ZNF484: variants seen among roughly 807,000 people sequenced by gnomAD.
ZNF484 encodes the protein KRAB box containing C2H2 type zinc finger bA526D8.4.
Under a neutral mutation model 12.9 loss-of-function variants are expected in ZNF484, and 11 were observed. The ratio of observed to expected loss-of-function variants is 0.85; its 90% confidence interval spans 0.54 to 1.41. ZNF484 has a LOEUF of 1.41. ZNF484 is among the 40% of genes most tolerant of loss of function. The pLI is 0.00. For missense variants in ZNF484, 807 were observed against 1,007.7 expected (o/e 0.80, Z 2.70); for synonymous variants, 289 against 334.1 (o/e 0.86, Z 1.47).
chr9:92,852,587 A>G (rs995908270), intron 4 of ZNF484, among the ~76,000 whole-genome samples: 2 of 114,140 alleles, frequency 1.8e-5, no homozygotes, highest in Non-Finnish European at 3.3e-5. Context: ...CCCAGGCTGG[A>G]GTACAGTGGC....
At chr9:92,849,747 C>T (rs540558865) in intron 4 of ZNF484, among the ~76,000 whole-genome samples, 76 of 151,704 alleles carry the variant, frequency 5.0e-4, no homozygotes, top group African/African-American at 1.6e-3. Flanking sequence ...GCTCTGATCG[C>T]ACCATTACAC....
At position 92,848,154 on chromosome 9, in the gene ZNF484, G is replaced by C. The variant is rs746295384; in HGVS notation, c.633C>G (p.Phe211Leu). The C allele has an allele frequency of 1.9e-6, 3 of 1,614,122 alleles. No homozygotes were observed. In the South Asian group the frequency reaches 3.3e-5, roughly 18 times the overall value. ...SDKTIGDGDI[F>L]THLNSHTEVT... ...CTTCTGTATGAGAATTCAAATGAGT[G>C]AAAATATCACCATCTCCAATAGTCT... Residue 211 changes from phenylalanine (F) to leucine (L), a missense_variant, in exon 5 of 5, where the codon TTC becomes TTG. Phe to Leu is a conservative substitution (Grantham distance 22, BLOSUM62 0). Transcript: ENST00000375495. The surrounding 1 kb of genome is among the most constrained non-coding windows in gnomAD (Gnocchi z 4.1).
Position 92,847,022 on chromosome 9 carries a change from A to C in ZNF484, c.1765T>G (p.Phe589Val). ...GTAATAAAATGGGATTTGTGGAAGAAGGCCTTACCACATTCAGTGCAAACA... is the reference window on the plus strand; with the variant it reads ...GTAATAAAATGGGATTTGTGGAAGACGGCCTTACCACATTCAGTGCAAACA... ...PYVCTECGKA[F>V]FHKSHFITHE... The change falls in exon 5 of 5, where the codon TTC (phenylalanine) becomes GTC (valine). Residue 589 changes from phenylalanine to valine, a missense_variant. Physicochemically the swap from Phe to Val is conservative, Grantham distance 50. Transcript: ENST00000375495. The C allele has an allele frequency of 6.2e-7, 1 of 1,614,054 alleles. No individual in the cohort carries two copies. Among genetic ancestry groups the C allele is most frequent in the East Asian group, 2.2e-5 (1 of 44,844 alleles).
intron 4 of ZNF484, among the ~76,000 whole-genome samples, chr9:92,851,102 G>T (rs1856048704): frequency 6.6e-6 from 1 of 152,198 alleles, no homozygotes; most frequent in South Asian, 2.1e-4. Context: ...TTGTCACTAG[G>T]TGGCACTGAG....
intron 4 of ZNF484, among the ~76,000 whole-genome samples, chr9:92,853,079 G>A (rs1385048859): frequency 1.3e-5 from 2 of 152,116 alleles, no homozygotes; most frequent in Non-Finnish European, 2.9e-5. Flanking sequence ...GCTATGACAG[G>A]ATAAACACAG....
chr9:92,844,459 A>G lies in ZNF484; in HGVS notation c.*1769T>C, dbSNP rs974041549. Among the ~76,000 whole-genome samples, 5 of 152,206 alleles carry G rather than the reference A, an allele frequency of 3.3e-5. No homozygotes were observed. Among genetic ancestry groups the G allele is most frequent in the African/African-American group, 1.2e-4 (5 of 41,456 alleles). On this transcript the variant is annotated 3_prime_UTR_variant, in exon 5 of 5. Coordinates refer to ENST00000375495, the MANE Select transcript of ZNF484 (RefSeq NM_031486.4). ...CCAAAACCACTAAACCACAGATTTA[A>G]AAAACATTATAAACTCCAAGGAGGA...
chr9:92,864,909 G>A (rs922549462), intron 2 of ZNF484, among the ~76,000 whole-genome samples: 1 of 151,872 alleles, frequency 6.6e-6, no homozygotes, highest in Non-Finnish European at 1.5e-5. Context: ...AGTTACAAAG[G>A]AGATGAGATC....
At chr9:92,865,930 T>C (rs964754438) in intron 2 of ZNF484, among the ~76,000 whole-genome samples, 1 of 152,120 alleles carries the variant, frequency 6.6e-6, no homozygotes, top group East Asian at 1.9e-4. Context: ...AAATAACTTC[T>C]GAAAGAAATG....
chr9:92,847,304 G>A lies in ZNF484; in HGVS notation c.1483C>T (p.Pro495Ser), dbSNP rs762461609. The A allele has an allele frequency of 5.6e-6, 9 of 1,613,712 alleles. No individual in the cohort carries two copies. The highest frequency in any genetic ancestry group is 6.8e-6 in the Non-Finnish European group (8 of 1,179,952). Residue 495 changes from proline (P) to serine (S), a missense_variant, in exon 5 of 5, where the codon CCC (proline) becomes TCC (serine). Transcript: ENST00000375495. ...IHQKIHTGER[P>S]YICTVCGKAF... ...TTACCACACACAGTACATATATAGG[G>A]TCTTTCTCCTGTATGAATTTTCTGG...
At position 92,846,097 on chromosome 9, in the gene ZNF484, G is replaced by C. The variant is rs1855565577; in HGVS notation, c.*131C>G. On this transcript the variant is annotated 3_prime_UTR_variant, in exon 5 of 5. Coordinates refer to ENST00000375495, the MANE Select transcript of ZNF484 (RefSeq NM_031486.4). ...TCTCCTTGCACATTTACTATTATTT[G>C]CAGGAGCTTGACAACACCAATATCA... 2.3e-6 allele frequency: 2 copies of C among 863,796 alleles called. No individual in the cohort carries two copies. The highest frequency in any genetic ancestry group is 3.5e-6 in the Non-Finnish European group (2 of 568,444). 53.5% of individuals were successfully genotyped at this position (863,796 alleles called of 1,614,324 possible).
intron 4 of ZNF484, among the ~76,000 whole-genome samples, chr9:92,855,116 C>T (rs1385374202): frequency 6.6e-6 from 1 of 152,094 alleles, no homozygotes; most frequent in Non-Finnish European, 1.5e-5. Flanking sequence ...ATGATATTGA[C>T]TAAAAACTAA....
rs757527155 is a variant in ZNF484 at position 92,847,332 on chromosome 9, TATA to T, written c.1452_1454del (p.Ile485del). 6 of 1,613,742 alleles carry T rather than the reference TATA, an allele frequency of 3.7e-6. No individual in the cohort carries two copies. In the Admixed American group the frequency reaches 1.0e-4, roughly 27 times the overall value. On this transcript the variant is annotated inframe_deletion, in exon 5 of 5. Coordinates refer to ENST00000375495, the MANE Select transcript of ZNF484 (RefSeq NM_031486.4). Reference sequence around the variant, plus strand: ...TTTCTCCTGTATGAATTTTCTGGTGTATAATGAGATTTGTCTTGTGAGTGAAGA... The same window carrying T: ...TTTCTCCTGTATGAATTTTCTGGTGTATGAGATTTGTCTTGTGAGTGAAGA...
In ZNF484 at chr9:92,848,166, A is replaced by G; in HGVS notation, c.621T>C (p.Asp207=). The part of the protein sequence containing the change: ...ATENSDKTIG[D]GDIFTHLNSH... ...AATTCAAATGAGTGAAAATATCACC[A>G]TCTCCAATAGTCTTATCAGAATTTT... Residue 207 remains aspartate (D), a synonymous_variant, in exon 5 of 5, where the codon GAT becomes GAC. Transcript: ENST00000375495. The surrounding 1 kb of genome is among the most constrained non-coding windows in gnomAD (Gnocchi z 4.1). The G allele has an allele frequency of 6.2e-7, 1 of 1,614,152 alleles. No homozygotes were observed. The highest frequency in any genetic ancestry group is 8.5e-7 in the Non-Finnish European group (1 of 1,180,032).
chr9:92,846,925 G>C lies in ZNF484; in HGVS notation c.1862C>G (p.Ser621Ter), dbSNP rs1855655870. The C allele has an allele frequency of 1.2e-6, 2 of 1,613,866 alleles. No homozygotes were observed. Among genetic ancestry groups the C allele is most frequent in the Admixed American group, 1.7e-5 (1 of 59,976 alleles). ...SICGKSFTKK[S>*]QLHVHQQIHT... is the part of the protein sequence containing the mutation. ...AATCTGCTGATGTACGTGGAGCTGT[G>C]ATTTCTTAGTGAAGGATTTCCCACA... The change falls in exon 5 of 5, where the codon TCA (serine) becomes TGA (stop). Residue 621 changes from serine (S) to a stop codon, truncating the protein, a stop_gained. Coordinates refer to ENST00000375495, the MANE Select transcript of ZNF484 (RefSeq NM_031486.4). LOFTEE classifies it low-confidence loss of function (END_TRUNC).
chr9:92,871,496 G>T (rs1277044270), intron 2 of ZNF484, among the ~76,000 whole-genome samples: 1 of 152,134 alleles, frequency 6.6e-6, no homozygotes, highest in Non-Finnish European at 1.5e-5. Context: ...AAGAGAAAGG[G>T]ATGGGGGCTG....
intron 4 of ZNF484, among the ~76,000 whole-genome samples, chr9:92,851,615 G>A (rs911293653): frequency 2.6e-5 from 4 of 152,180 alleles, no homozygotes; most frequent in Admixed American, 6.5e-5. Context: ...GTCCCTGAAC[G>A]GCCATGGAAA....
Position 92,848,486 on chromosome 9 carries a change from T to A in ZNF484, c.301A>T (p.Ile101Phe). 6.2e-7 allele frequency: 1 copy of A among 1,612,444 alleles called. No individual in the cohort carries two copies. The highest frequency in any genetic ancestry group is 8.5e-7 in the Non-Finnish European group (1 of 1,179,698). The change falls in exon 5 of 5, where the codon ATT becomes TTT. Residue 101 changes from isoleucine (I) to phenylalanine (F), a missense_variant. Coordinates refer to ENST00000375495, the MANE Select transcript of ZNF484 (RefSeq NM_031486.4). This position sits in a 1 kb window ranked among gnomAD's most constrained non-coding sequence, Gnocchi z 4.1. The part of the protein sequence containing the change: ...MSEEVSFQSE[I>F]NINLFTRDDP... ...TCTCTTGTGAAGAGATTAATATTAA[T>A]CTCAGACTGGAAAGAAACTTCTTCA...
intron 2 of ZNF484, among the ~76,000 whole-genome samples, chr9:92,858,259 C>T (rs1856580934): frequency 6.6e-6 from 1 of 151,970 alleles, no homozygotes; most frequent in Admixed American, 6.6e-5. Context: ...ATTAAGAAGT[C>T]CTTATGCAGG....
At position 92,871,003 on chromosome 9, in the gene ZNF484, G is replaced by A. The variant is rs192237010; in HGVS notation, c.15+4012C>T. ...AAAAAGAGGACTCAAATAAGATCTAGAGTCTCATAATGCCCAAGGTTTCCA... is the reference window on the plus strand; with the variant it reads ...AAAAAGAGGACTCAAATAAGATCTAAAGTCTCATAATGCCCAAGGTTTCCA... On this transcript the variant is annotated intron_variant, in intron 2 of 4. Transcript: ENST00000375495. Among the ~76,000 whole-genome samples the A allele has an allele frequency of 3.9e-5, 6 of 152,300 alleles. No homozygotes were observed. The East Asian group carries it at 1.2e-3, about 29-fold the overall frequency.
Sources: allele counts gnomAD v4.1 joint callset (sites outside exome capture counted in the v4.1 genomes callset), GRCh38; gene constraint gnomAD v4.1.1; non-coding constraint Gnocchi (gnomAD v3.1); transcripts MANE v1.5; gene names NCBI Gene and HGNC (gene_info 2026-07-23, HGNC 2026-07-21).